BTBD9: variants seen among roughly 807,000 people sequenced by gnomAD.
BTBD9 encodes BTB/POZ domain-containing protein 9.
Under a neutral mutation model 64.3 loss-of-function variants are expected in BTBD9, and 49 were observed. That is an observed-to-expected ratio of 0.76 (90% confidence interval 0.61 to 0.97). The LOEUF (loss-of-function observed/expected upper bound fraction) is 0.97, where lower values mean the gene tolerates loss of function less well. Among genes scored for constraint, BTBD9 ranks in the 50% least tolerant of loss-of-function variants. The pLI is 0.00. For synonymous variants in BTBD9, 260 were observed against 274.7 expected (o/e 0.95, Z 0.53); for missense variants, 598 against 762.1 (o/e 0.78, Z 2.53).
At chr6:38,569,793 T>C (rs1775679653) in intron 6 of BTBD9, among the ~76,000 whole-genome samples, 2 of 152,104 alleles carry the variant, frequency 1.3e-5, no homozygotes, top group Non-Finnish European at 2.9e-5. Context: ...TTGGGGGATT[T>C]TTTTGCTATT....
chr6:38,220,484 T>C (rs985746380), intron 9 of BTBD9, among the ~76,000 whole-genome samples: 6 of 152,262 alleles, frequency 3.9e-5, no homozygotes, highest in Non-Finnish European at 8.8e-5. Context: ...TTTGAAAATA[T>C]ACATTTGTAC....
At chr6:38,205,203 AG>A (rs1187180936) in intron 9 of BTBD9, among the ~76,000 whole-genome samples, 1 of 152,226 alleles carries the variant, frequency 6.6e-6, no homozygotes, top group African/African-American at 2.4e-5. Context: ...CCACATATGA[AG>A]GACATAAGAT....
intron 8 of BTBD9, among the ~76,000 whole-genome samples, chr6:38,277,922 T>TG (rs1761341660): frequency 6.6e-6 from 1 of 152,142 alleles, no homozygotes. Flanking sequence ...GCAGAGCTGT[T>TG]GGCTAGATAA....
chr6:38,432,410 A>C lies in BTBD9; in HGVS notation c.1155-87317T>G, dbSNP rs550209347. Among the ~76,000 whole-genome samples the C allele has an allele frequency of 1.2e-4, 18 of 152,048 alleles. No individual in the cohort carries two copies. In the South Asian group the frequency reaches 3.5e-3, roughly 30 times the overall value. ...AAGTATGATAACAGTCCCTCCCTAAAACATCCCCTCCTCATTTGGGGCTGA... is the reference window on the plus strand; with the variant it reads ...AAGTATGATAACAGTCCCTCCCTAACACATCCCCTCCTCATTTGGGGCTGA... On this transcript the variant is annotated intron_variant, in intron 6 of 10. Transcript: ENST00000481247.
intron 7 of BTBD9, among the ~76,000 whole-genome samples, chr6:38,328,986 G>A (rs1192103904): frequency 1.3e-5 from 2 of 148,462 alleles, no homozygotes; most frequent in African/African-American, 2.5e-5. Context: ...GTGTGTGTGT[G>A]TGTGTGTGTG....
At chr6:38,196,361 TG>T (rs1317308365) in intron 9 of BTBD9, among the ~76,000 whole-genome samples, 4 of 152,352 alleles carry the variant, frequency 2.6e-5, no homozygotes, top group Admixed American at 6.5e-5. Flanking sequence ...AGAAAAGTAT[TG>T]GCATATATTA....
At chr6:38,576,844 T>TA (rs1222833655) in intron 6 of BTBD9, among the ~76,000 whole-genome samples, 2 of 152,222 alleles carry the variant, frequency 1.3e-5, no homozygotes, top group Non-Finnish European at 2.9e-5. Context: ...TTTAACCACC[T>TA]AAACAAATTC....
intron 10 of BTBD9, among the ~76,000 whole-genome samples, chr6:38,177,286 C>A (rs764371462): frequency 3.3e-5 from 5 of 152,208 alleles, no homozygotes; most frequent in Admixed American, 3.3e-4. Flanking sequence ...TGGTTTTTCT[C>A]TCCTTTTGCT....
chr6:38,638,181 TCTTTTCTGATTTTCTAC>T (rs1315926116), intron 1 of BTBD9, among the ~76,000 whole-genome samples: 4 of 152,300 alleles, frequency 2.6e-5, no homozygotes, highest in African/African-American at 7.2e-5. Flanking sequence ...ACACATCCTA[TCTTTTCTGATTTTCTAC>T]CACATTTATA....
At chr6:38,384,046 G>A (rs1582335978) in intron 6 of BTBD9, among the ~76,000 whole-genome samples, 1 of 152,160 alleles carries the variant, frequency 6.6e-6, no homozygotes, top group Admixed American at 6.5e-5. Flanking sequence ...ATAGGGCTCG[G>A]TGGGAAAACC....
intron 6 of BTBD9, among the ~76,000 whole-genome samples, chr6:38,393,172 G>C (rs1184210205): frequency 6.6e-6 from 1 of 152,158 alleles, no homozygotes; most frequent in Middle Eastern, 3.2e-3. Context: ...GGGATTACAG[G>C]CGTGAGCCAC....
chr6:38,212,602 C>T (rs79289102), intron 9 of BTBD9, among the ~76,000 whole-genome samples: 1,620 of 152,192 alleles, frequency 0.011, 29 homozygotes, highest in African/African-American at 0.036. Flanking sequence ...CAGAGCCAGC[C>T]GCTTGGCCAC....
At chr6:38,527,054 C>T (rs1582579058) in intron 6 of BTBD9, among the ~76,000 whole-genome samples, 1 of 151,802 alleles carries the variant, frequency 6.6e-6, no homozygotes, top group African/African-American at 2.4e-5. Flanking sequence ...GCAGATGGAT[C>T]ATCTGAGGTC....
intron 9 of BTBD9, among the ~76,000 whole-genome samples, chr6:38,208,485 G>GTGT (rs10656646): frequency 0.82 from 123,955 of 151,846 alleles, 50,689 homozygotes; most frequent in East Asian, 0.97. Context: ...GGGAATTACT[G>GTGT]TTTAACAGCC....
At chr6:38,244,127 C>CT (rs1474150892) in intron 9 of BTBD9, among the ~76,000 whole-genome samples, 2 of 152,152 alleles carry the variant, frequency 1.3e-5, no homozygotes, top group Non-Finnish European at 2.9e-5. Context: ...CTCTACTTTC[C>CT]TTTTTTTGCA....
chr6:38,467,780 TA>T (rs1770464527), intron 6 of BTBD9, among the ~76,000 whole-genome samples: 1 of 152,174 alleles, frequency 6.6e-6, no homozygotes, highest in Admixed American at 6.5e-5. Flanking sequence ...TACCCAAGCT[TA>T]AAAATTTCAT....
intron 9 of BTBD9, among the ~76,000 whole-genome samples, chr6:38,253,488 A>G: frequency 6.6e-6 from 1 of 152,158 alleles, no homozygotes; most frequent in South Asian, 2.1e-4. Context: ...CTCCCTCAAC[A>G]TGTGGGGATT....
intron 1 of BTBD9, among the ~76,000 whole-genome samples, chr6:38,624,305 C>G (rs559871911): frequency 6.6e-6 from 1 of 152,310 alleles, no homozygotes; most frequent in Non-Finnish European, 1.5e-5. Flanking sequence ...GCAACCTGCT[C>G]AGGTCCCCTT....
At position 38,290,667 on chromosome 6, in the gene BTBD9, G is replaced by C. The variant is rs34761322; in HGVS notation, c.1265-2206C>G. Among the ~76,000 whole-genome samples the C allele has an allele frequency of 2.0e-3, 302 of 152,316 alleles. 3 individuals carry two copies. The highest frequency in any genetic ancestry group is 3.4e-3 in the Middle Eastern group (1 of 294). ...CCCAATCACAGCCGCAGTGGGAAGA[G>C]AGTAAGCTGGGCACAGGCTCTTAAA... On this transcript the variant is annotated intron_variant, in intron 7 of 10. Coordinates refer to ENST00000481247, the MANE Select transcript of BTBD9 (RefSeq NM_001099272.2).
Sources: allele counts gnomAD v4.1 joint callset (sites outside exome capture counted in the v4.1 genomes callset), GRCh38; gene constraint gnomAD v4.1.1; transcripts MANE v1.5; gene names NCBI Gene and HGNC (gene_info 2026-07-23, HGNC 2026-07-21).